PDGFRL: variants seen among roughly 807,000 people sequenced by gnomAD.
PDGFRL encodes platelet-derived growth factor receptor-like protein.
A neutral mutation model predicts 37.2 loss-of-function variants in PDGFRL; 46 were observed. That is an observed-to-expected ratio of 1.24 (90% confidence interval 0.98 to 1.58). The LOEUF is 1.58. Ranked by LOEUF, PDGFRL falls within the 40% of genes most tolerant of loss-of-function variation. The pLI is 0.00. For missense variants in PDGFRL, 692 were observed against 467.6 expected, an observed-to-expected ratio of 1.48 and a Z score of -4.43; for synonymous variants, 251 against 184.3, an observed-to-expected ratio of 1.36 and a Z score of -2.93.
intron 2 of PDGFRL, among the ~76,000 whole-genome samples, chr8:17,610,208 G>C (rs1046905205): frequency 1.2e-4 from 19 of 152,194 alleles, no homozygotes; most frequent in African/African-American, 4.3e-4. Context: ...GTATGTGGCT[G>C]TGAGCGTTCA....
chr8:17,610,447 T>C (rs1804387238), intron 2 of PDGFRL, among the ~76,000 whole-genome samples: 1 of 152,192 alleles, frequency 6.6e-6, no homozygotes, highest in African/African-American at 2.4e-5. Context: ...AAATTAGGGA[T>C]GCTTAACTAG....
At chr8:17,627,989 CTT>C (rs35707610) in intron 3 of PDGFRL, among the ~76,000 whole-genome samples, 78 of 89,204 alleles carry the variant, frequency 8.7e-4, no homozygotes, top group African/African-American at 3.4e-3. Context: ...TTCTTTCTTT[CTT>C]TTTTTTTTTT....
intron 2 of PDGFRL, among the ~76,000 whole-genome samples, chr8:17,592,940 A>G (rs1803973926): frequency 2.5e-5 from 2 of 80,776 alleles, no homozygotes; most frequent in Non-Finnish European, 6.1e-5. Flanking sequence ...ACACACACAC[A>G]CACACACACA....
At chr8:17,607,185 G>GT (rs1325381295) in intron 2 of PDGFRL, among the ~76,000 whole-genome samples, 1 of 152,114 alleles carries the variant, frequency 6.6e-6, no homozygotes, top group African/African-American at 2.4e-5. Flanking sequence ...TTTTAGACGT[G>GT]TGTCTCAATC....
At chr8:17,598,351 T>C (rs2588139) in intron 2 of PDGFRL, among the ~76,000 whole-genome samples, 55,663 of 152,094 alleles carry the variant, frequency 0.37, 10,967 homozygotes, top group African/African-American at 0.5. Context: ...ATCTGGGATC[T>C]GTGTCCTTCT....
chr8:17,585,063 G>C (rs185997669), intron 1 of PDGFRL, among the ~76,000 whole-genome samples: 1 of 152,242 alleles, frequency 6.6e-6, no homozygotes, highest in East Asian at 1.9e-4. Context: ...ATGACTTCCT[G>C]ATGTTACCAT....
intron 2 of PDGFRL, among the ~76,000 whole-genome samples, chr8:17,612,195 A>G (rs7005729): frequency 0.03 from 4,539 of 152,342 alleles, 132 homozygotes; most frequent in African/African-American, 0.067. Context: ...ACATTTTAAA[A>G]AGGCAACACT....
intron 2 of PDGFRL, among the ~76,000 whole-genome samples, chr8:17,607,153 G>C (rs1804299360): frequency 6.6e-6 from 1 of 151,990 alleles, no homozygotes; most frequent in Non-Finnish European, 1.5e-5. Flanking sequence ...GCCTTGGCCT[G>C]CGAGTTTCGT....
intron 2 of PDGFRL, among the ~76,000 whole-genome samples, chr8:17,592,439 G>A (rs147683563): frequency 3.9e-5 from 6 of 152,272 alleles, no homozygotes; most frequent in Middle Eastern, 3.4e-3. Context: ...AGAGTTCAGC[G>A]TGTGGCTTCC....
At chr8:17,641,896 T>TCCCCCCCCCCCCCCCCCC (rs144394170) in intron 5 of PDGFRL, among the ~76,000 whole-genome samples, 8 of 103,944 alleles carry the variant, frequency 7.7e-5, no homozygotes, top group Admixed American at 1.0e-4. Flanking sequence ...TCAATAGAGG[T>TCCCCCCCCCCCCCCCCCC]CCCCGCCACA....
chr8:17,632,805 G>C (rs1214646220), intron 4 of PDGFRL, among the ~76,000 whole-genome samples: 1 of 151,530 alleles, frequency 6.6e-6, no homozygotes. Flanking sequence ...CTCCGCCACT[G>C]CCTCTCACCC....
intron 2 of PDGFRL, among the ~76,000 whole-genome samples, chr8:17,607,303 A>G (rs188402280): frequency 0.058 from 6,415 of 111,116 alleles, 336 homozygotes; most frequent in African/African-American, 0.15. Flanking sequence ...TAGTCATTAG[A>G]GTAGGGGAAA....
intron 5 of PDGFRL, among the ~76,000 whole-genome samples, chr8:17,635,702 G>T (rs1374728425): frequency 6.6e-6 from 1 of 152,166 alleles, no homozygotes; most frequent in Non-Finnish European, 1.5e-5. Context: ...AATCTCCACA[G>T]TTTTCCATAG....
At chr8:17,631,849 T>C (rs747753701) in intron 4 of PDGFRL, among the ~76,000 whole-genome samples, 29 of 152,196 alleles carry the variant, frequency 1.9e-4, no homozygotes, top group Non-Finnish European at 3.2e-4. Context: ...CTATCAACTT[T>C]GAAATGCTGG....
intron 2 of PDGFRL, among the ~76,000 whole-genome samples, chr8:17,609,163 C>T (rs1804350401): frequency 6.6e-6 from 1 of 152,248 alleles, no homozygotes; most frequent in East Asian, 1.9e-4. Flanking sequence ...GGTCACACTG[C>T]TGCACTCCAG....
upstream of PDGFRL, chr8:17,576,649 C>T: frequency 1.1e-6 from 1 of 922,558 alleles, no homozygotes; most frequent in Non-Finnish European, 1.3e-6. Flanking sequence ...CCACGTTATT[C>T]CTGTAATGAA....
chr8:17,608,325 G>T (rs182163126), intron 2 of PDGFRL, among the ~76,000 whole-genome samples: 1 of 152,308 alleles, frequency 6.6e-6, no homozygotes. Context: ...CCCTGTAACA[G>T]CACTGTTGTT....
intron 2 of PDGFRL, among the ~76,000 whole-genome samples, chr8:17,620,192 C>T (rs762166756): frequency 2.6e-5 from 4 of 152,126 alleles, no homozygotes; most frequent in Non-Finnish European, 5.9e-5. Flanking sequence ...AAACTCCTGG[C>T]CTCAAGTTAT....
At chr8:17,635,358 C>G (rs1044073350) in intron 5 of PDGFRL, among the ~76,000 whole-genome samples, 19 of 151,778 alleles carry the variant, frequency 1.3e-4, no homozygotes, top group African/African-American at 4.4e-4. Flanking sequence ...CATAGCTTAG[C>G]TCGCATTTAA....
Sources: allele counts gnomAD v4.1 joint callset (sites outside exome capture counted in the v4.1 genomes callset), GRCh38; gene constraint gnomAD v4.1.1; transcripts MANE v1.5; gene names NCBI Gene and HGNC (gene_info 2026-07-23, HGNC 2026-07-21).